JHY: variants seen among roughly 807,000 people sequenced by gnomAD.
The protein encoded by JHY is junctional cadherin complex regulator, also known as jhy protein homolog.
Under a neutral mutation model 78.0 loss-of-function variants are expected in JHY, and 69 were observed. The ratio of observed to expected loss-of-function variants is 0.88; its 90% confidence interval spans 0.73 to 1.08. The LOEUF (loss-of-function observed/expected upper bound fraction) is 1.08, where lower values mean the gene tolerates loss of function less well. Among genes scored for constraint, JHY ranks in the 50% least tolerant of loss-of-function variants. The pLI, the probability that JHY is intolerant of heterozygous loss-of-function variation, is 0.00. For synonymous variants in JHY, 368 were observed against 342.6 expected (o/e 1.07, Z -0.82); for missense variants, 944 against 927.8 (o/e 1.02, Z -0.23).
chr11:122,884,727 A>G (rs1862458068), intron 1 of JHY, among the ~76,000 whole-genome samples: 1 of 152,184 alleles, frequency 6.6e-6, no homozygotes. Context: ...CCCGTTCGGT[A>G]ATGTAGACCT....
In JHY at chr11:122,913,096, C is replaced by T. The variant is rs894532303; in HGVS notation, c.864+8652C>T. Among the ~76,000 whole-genome samples, 7 of 152,072 alleles carry T rather than the reference C, an allele frequency of 4.6e-5. No homozygotes were observed. In the East Asian group the frequency reaches 7.7e-4, roughly 17 times the overall value. On this transcript the variant is annotated intron_variant, in intron 3 of 8. Coordinates refer to ENST00000227349, the MANE Select transcript of JHY (RefSeq NM_024806.4). ...TGTAGGCAAAACAATAACGTTCACA[C>T]GCCCTAGGAGGCCATTCGATGGTGA... is the stretch of plus-strand genomic sequence containing the variant.
At position 122,904,168 on chromosome 11, in the gene JHY, A is replaced by G. The variant is rs1862928429; in HGVS notation, c.588A>G (p.Leu196=). The G allele has an allele frequency of 2.5e-6, 4 of 1,614,164 alleles. No homozygotes were observed. In the East Asian group the frequency reaches 8.9e-5, roughly 36 times the overall value. The change falls in exon 3 of 9, where the codon TTA becomes TTG. Residue 196 remains leucine (L), a synonymous_variant. Coordinates refer to ENST00000227349, the MANE Select transcript of JHY (RefSeq NM_024806.4). ...CTTCTTTACTTGGTAGTGAATTTTT[A>G]AGCCCAAACTATGAGCATGGTGCCC... ...SAASLLGSEF[L]SPNYEHGARR... is the part of the protein sequence containing the mutation.
At chr11:122,943,011 A>G (rs139095765) in intron 5 of JHY, among the ~76,000 whole-genome samples, 25 of 152,228 alleles carry the variant, frequency 1.6e-4, no homozygotes, top group African/African-American at 5.8e-4. Context: ...ACTAGCTGGG[A>G]CTACAGACAG....
intron 5 of JHY, among the ~76,000 whole-genome samples, chr11:122,938,878 G>T (rs1269493289): frequency 2.0e-5 from 3 of 151,818 alleles, no homozygotes; most frequent in African/African-American, 4.8e-5. Context: ...CAGAAGACTT[G>T]TTGGCTTCTT....
chr11:122,924,968 C>A lies in JHY; in HGVS notation c.936C>A (p.Ile312=). 6.2e-7 allele frequency: 1 copy of A among 1,613,998 alleles called. No individual in the cohort carries two copies. Among genetic ancestry groups the A allele is most frequent in the Non-Finnish European group, 8.5e-7 (1 of 1,179,908 alleles). The part of the protein sequence containing the change: ...QNAKEMENAA[I]DPEDKWHQRA... Reference sequence around the variant, plus strand: ...CCAAGGAAATGGAAAATGCTGCCATCGATCCTGAAGATAAATGGCATCAAA... The same window carrying A: ...CCAAGGAAATGGAAAATGCTGCCATAGATCCTGAAGATAAATGGCATCAAA... The change falls in exon 4 of 9, where the codon ATC becomes ATA. Residue 312 remains isoleucine, a synonymous_variant. Coordinates refer to ENST00000227349, the MANE Select transcript of JHY (RefSeq NM_024806.4).
Position 122,905,469 on chromosome 11 carries a change from A to G in JHY, c.864+1025A>G, listed in dbSNP as rs982197746. The G allele has an allele frequency of 6.9e-6, 9 of 1,297,350 alleles. No individual in the cohort carries two copies. In the African/African-American group the frequency reaches 1.1e-4, roughly 15 times the overall value. 80.4% of individuals were successfully genotyped at this position (1,297,350 alleles called of 1,614,324 possible). ...AAATCCCAACTGGTATTTTTTTTTAACATATTCTAACCTGTTCTAACCTCT... is the reference window on the plus strand; with the variant it reads ...AAATCCCAACTGGTATTTTTTTTTAGCATATTCTAACCTGTTCTAACCTCT... On this transcript the variant is annotated intron_variant, in intron 3 of 8. Transcript: ENST00000227349.
Position 122,935,123 on chromosome 11 carries a change from A to C in JHY, c.1634+48A>C. 1 of 1,465,724 alleles carries C rather than the reference A, an allele frequency of 6.8e-7. No individual in the cohort carries two copies. The highest frequency in any genetic ancestry group is 9.2e-7 in the Non-Finnish European group (1 of 1,092,188). The allele number at this position is 1,465,724 out of a possible 1,614,324, so 90.8% of individuals were successfully genotyped here. Reference sequence around the variant, plus strand: ...TGGTTTTCTAGAGGAGAAAGGAGAGACTGCTGCAGAAAGACGGGAGAGGAA... The same window carrying C: ...TGGTTTTCTAGAGGAGAAAGGAGAGCCTGCTGCAGAAAGACGGGAGAGGAA... On this transcript the variant is annotated intron_variant, in intron 5 of 8. Coordinates refer to ENST00000227349, the MANE Select transcript of JHY (RefSeq NM_024806.4). The surrounding 1 kb of genome is among the most constrained non-coding windows in gnomAD (Gnocchi z 4.5).
At chr11:122,899,372 TC>T (rs1173380758) in intron 2 of JHY, among the ~76,000 whole-genome samples, 1 of 152,216 alleles carries the variant, frequency 6.6e-6, no homozygotes, top group African/African-American at 2.4e-5. Context: ...TGAGCTTTCT[TC>T]CCCACCTGAA....
chr11:122,928,135 T>G (rs1327108428), intron 4 of JHY, among the ~76,000 whole-genome samples: 1 of 152,148 alleles, frequency 6.6e-6, no homozygotes. Flanking sequence ...TCAGTAAATA[T>G]TTACTGACTG....
At chr11:122,901,542 T>G (rs538642828) in intron 2 of JHY, among the ~76,000 whole-genome samples, 1 of 152,092 alleles carries the variant, frequency 6.6e-6, no homozygotes, top group East Asian at 1.9e-4. Flanking sequence ...TAAAAATTCT[T>G]TATATCCTTA....
chr11:122,911,730 A>ACC (rs940950043), intron 3 of JHY, among the ~76,000 whole-genome samples: 3 of 151,270 alleles, frequency 2.0e-5, no homozygotes, highest in African/African-American at 7.3e-5. Flanking sequence ...ACATGGAGAA[A>ACC]CCCCATCTCT....
At chr11:122,913,842 A>T (rs992186247) in intron 3 of JHY, among the ~76,000 whole-genome samples, 1 of 152,200 alleles carries the variant, frequency 6.6e-6, no homozygotes, top group Non-Finnish European at 1.5e-5. Context: ...AGATCCTGGC[A>T]TACAGCAAGC....
intron 4 of JHY, among the ~76,000 whole-genome samples, chr11:122,930,896 T>A (rs918563745): frequency 3.3e-5 from 5 of 152,210 alleles, no homozygotes; most frequent in Non-Finnish European, 7.3e-5. Context: ...AACAGAGGTT[T>A]ATTTTTTTCA....
intron 3 of JHY, among the ~76,000 whole-genome samples, chr11:122,910,073 G>A (rs1863080327): frequency 6.6e-6 from 1 of 151,784 alleles, no homozygotes; most frequent in African/African-American, 2.4e-5. Context: ...CCATACGGTA[G>A]AGTACACTGC....
rs776919948 is a variant in JHY, at chr11:122,934,545, G to A, written c.1104G>A (p.Lys368=). ...GACCAGCCAAGCTCAAGATTCGAAA[G>A]CAGTGTAAACACCAGAATGGCCTGA... is the stretch of plus-strand genomic sequence containing the variant. The part of the protein sequence containing the change: ...SRRPAKLKIR[K]QCKHQNGLKS... The change falls in exon 5 of 9, where the codon AAG becomes AAA. Residue 368 remains lysine, a synonymous_variant. Transcript: ENST00000227349. The A allele has an allele frequency of 6.2e-7, 1 of 1,614,098 alleles. No individual in the cohort carries two copies. Among genetic ancestry groups the A allele is most frequent in the South Asian group, 1.1e-5 (1 of 91,072 alleles).
rs1238490038 is a variant in JHY, at chr11:122,883,286, C to T, written c.-90+314C>T. Among the ~76,000 whole-genome samples, 3 of 152,196 alleles carry T rather than the reference C, an allele frequency of 2.0e-5. No homozygotes were observed. The East Asian group carries it at 5.8e-4, about 29-fold the overall frequency. The stretch of plus-strand genomic sequence containing the variant: ...CCTCCAAACGCCCCTTGTGACAGGC[C>T]TTGTTCCTCAGGAACAAGCAAAGGT... On this transcript the variant is annotated intron_variant, in intron 1 of 8. Transcript: ENST00000227349. This position sits in a 1 kb window ranked among gnomAD's most constrained non-coding sequence, Gnocchi z 4.4.
intron 3 of JHY, among the ~76,000 whole-genome samples, chr11:122,914,305 G>C (rs1863190592): frequency 6.6e-6 from 1 of 151,964 alleles, no homozygotes; most frequent in African/African-American, 2.4e-5. Flanking sequence ...TGAAACTTTT[G>C]GTTGTCTATA....
intron 2 of JHY, among the ~76,000 whole-genome samples, chr11:122,899,307 G>GA (rs1215796714): frequency 9.2e-5 from 14 of 152,036 alleles, no homozygotes; most frequent in African/African-American, 3.4e-4. Flanking sequence ...ATAAATATGG[G>GA]AAAATAGCAC....
chr11:122,905,427 G>T, intron 3 of JHY: 1 of 1,407,652 alleles, frequency 7.1e-7, no homozygotes. Context: ...AAATGTGGTT[G>T]CCCTTAGACC....
Sources: allele counts gnomAD v4.1 joint callset (sites outside exome capture counted in the v4.1 genomes callset), GRCh38; gene constraint gnomAD v4.1.1; non-coding constraint Gnocchi (gnomAD v3.1); transcripts MANE v1.5; gene names NCBI Gene and HGNC (gene_info 2026-07-23, HGNC 2026-07-21).